The following ROBO2 variants were observed in gnomAD, a reference collection of about 807,000 sequenced individuals.
ROBO2 encodes the protein roundabout guidance receptor 2, also known as roundabout homolog 2.
A neutral mutation model predicts 160.8 loss-of-function variants in ROBO2; 53 were observed. That is an observed-to-expected ratio of 0.33 (90% CI 0.26 to 0.41). The LOEUF is 0.41. Among genes scored for constraint, ROBO2 ranks in the 10% least tolerant of loss-of-function variants. The pLI is 1.00. For synonymous variants in ROBO2, 664 were observed against 611.7 expected, an observed-to-expected ratio of 1.09 and a Z score of -1.26; for missense variants, 1,577 against 1,722.4, an observed-to-expected ratio of 0.92 and a Z score of 1.49.
At chr3:76,995,408 C>T (rs539668057) in intron 2 of ROBO2, among the ~76,000 whole-genome samples, 159 of 152,250 alleles carry the variant, frequency 1.0e-3, no homozygotes, top group African/African-American at 3.6e-3. Flanking sequence ...CTGCAATAAA[C>T]ATACGCGTGC....
At chr3:77,118,694 G>T (rs2074438869) in intron 2 of ROBO2, among the ~76,000 whole-genome samples, 1 of 152,144 alleles carries the variant, frequency 6.6e-6, no homozygotes, top group Admixed American at 6.6e-5. Flanking sequence ...TGTAAAGCAA[G>T]CATGCAATAA....
At chr3:76,909,853 T>A (rs2075857024) in intron 2 of ROBO2, among the ~76,000 whole-genome samples, 1 of 152,230 alleles carries the variant, frequency 6.6e-6, no homozygotes, top group African/African-American at 2.4e-5. Context: ...TTTCTTCTCC[T>A]TGTCATAAAA....
At chr3:76,530,589 C>G (rs902386561) in intron 2 of ROBO2, among the ~76,000 whole-genome samples, 2 of 152,148 alleles carry the variant, frequency 1.3e-5, no homozygotes, top group Non-Finnish European at 2.9e-5. Flanking sequence ...CGTCTCGTCT[C>G]AGTAACTTAG....
chr3:76,268,212 G>T (rs1196909870), intron 2 of ROBO2, among the ~76,000 whole-genome samples: 1 of 151,848 alleles, frequency 6.6e-6, no homozygotes, highest in African/African-American at 2.4e-5. Flanking sequence ...CAAGGCTGCA[G>T]TGAGCCATAA....
chr3:76,668,267 T>TAAA (rs35393443), intron 2 of ROBO2, among the ~76,000 whole-genome samples: 526 of 150,600 alleles, frequency 3.5e-3, no homozygotes, highest in Middle Eastern at 0.02. Context: ...GCCCAGCTAT[T>TAAA]AAAAAAAAAT....
chr3:77,220,407 G>A (rs72893242), intron 2 of ROBO2, among the ~76,000 whole-genome samples: 1 of 151,852 alleles, frequency 6.6e-6, no homozygotes, highest in South Asian at 2.1e-4. Flanking sequence ...CATACTAAGA[G>A]TAGGTAAAAA....
intron 2 of ROBO2, among the ~76,000 whole-genome samples, chr3:76,733,252 G>T (rs1056925245): frequency 3.9e-5 from 6 of 152,178 alleles, no homozygotes; most frequent in African/African-American, 1.2e-4. Flanking sequence ...AACAGACTGT[G>T]TATACAAAGA....
chr3:77,525,850 T>C (rs1272212162), intron 6 of ROBO2, among the ~76,000 whole-genome samples: 1 of 151,254 alleles, frequency 6.6e-6, no homozygotes, highest in African/African-American at 2.4e-5. Context: ...AAGGAAACAT[T>C]ATGTTTTAAA....
chr3:76,068,555 TCTTCTGTATCA>T (rs540841957), intron 2 of ROBO2, among the ~76,000 whole-genome samples: 49 of 152,300 alleles, frequency 3.2e-4, no homozygotes, highest in Middle Eastern at 3.4e-3. Flanking sequence ...CTTTTCCCTT[TCTTCTGTATCA>T]TCAATTCTCC....
At chr3:76,696,176 C>T (rs1353230855) in intron 2 of ROBO2, among the ~76,000 whole-genome samples, 4 of 152,134 alleles carry the variant, frequency 2.6e-5, no homozygotes, top group African/African-American at 4.8e-5. Context: ...AGTCTAGCCT[C>T]CGCAGAATTG....
intron 2 of ROBO2, among the ~76,000 whole-genome samples, chr3:76,560,933 G>GATATATATATATAT (rs10581875): frequency 1.6e-5 from 2 of 128,162 alleles, no homozygotes; most frequent in Non-Finnish European, 3.2e-5. Flanking sequence ...TAAGAAGTAA[G>GATATATATATATAT]ATATATATAT....
Position 75,992,233 on chromosome 3 carries a change from C to G in ROBO2, c.109+54631C>G, listed in dbSNP as rs576746896. Reference sequence around the variant, plus strand: ...GGCATATGAAAGGTCTTTGTGGTAGCCCTTCCCATCACAGGCCCAGAGGTT... The same window carrying G: ...GGCATATGAAAGGTCTTTGTGGTAGGCCTTCCCATCACAGGCCCAGAGGTT... On this transcript the variant is annotated intron_variant, in intron 2 of 26. Coordinates refer to the ROBO2 transcript ENST00000487694. Among the ~76,000 whole-genome samples the G allele has an allele frequency of 1.1e-4, 17 of 152,184 alleles. No individual in the cohort carries two copies. In the South Asian group the frequency reaches 3.5e-3, roughly 32 times the overall value.
chr3:76,137,885 T>C (rs1656743864), intron 2 of ROBO2, among the ~76,000 whole-genome samples: 1 of 152,000 alleles, frequency 6.6e-6, no homozygotes, highest in African/African-American at 2.4e-5. Flanking sequence ...TTTTAGGGGT[T>C]TGTGTAATCA....
At chr3:76,762,952 T>C (rs551945511) in intron 2 of ROBO2, among the ~76,000 whole-genome samples, 95 of 151,854 alleles carry the variant, frequency 6.3e-4, no homozygotes, top group African/African-American at 2.2e-3. Context: ...CTGCTTGAAA[T>C]CCTTCATGTT....
At chr3:76,009,265 G>A (rs1479980407) in intron 2 of ROBO2, among the ~76,000 whole-genome samples, 1 of 152,134 alleles carries the variant, frequency 6.6e-6, no homozygotes, top group Non-Finnish European at 1.5e-5. Context: ...ACCACGCCCG[G>A]ATAATTTTTT....
At chr3:77,280,434 A>G (rs2060170219) in intron 2 of ROBO2, among the ~76,000 whole-genome samples, 1 of 151,962 alleles carries the variant, frequency 6.6e-6, no homozygotes, top group East Asian at 1.9e-4. Flanking sequence ...GGTTTGGCCA[A>G]CCTCCTAAAA....
chr3:76,458,907 A>T (rs2077930394), intron 2 of ROBO2, among the ~76,000 whole-genome samples: 1 of 152,154 alleles, frequency 6.6e-6, no homozygotes, highest in Non-Finnish European at 1.5e-5. Context: ...CTCTCACAGC[A>T]TGTGGGAATT....
At chr3:77,356,962 A>G (rs1410029418) in intron 2 of ROBO2, among the ~76,000 whole-genome samples, 1 of 152,182 alleles carries the variant, frequency 6.6e-6, no homozygotes, top group Admixed American at 6.6e-5. Context: ...ATGAGGAAAT[A>G]TATTAAATAT....
chr3:75,930,514 T>A (rs1449075696), intron 1 of ROBO2, among the ~76,000 whole-genome samples: 2 of 152,230 alleles, frequency 1.3e-5, no homozygotes, highest in Admixed American at 1.3e-4. Flanking sequence ...CTAAGGGTTC[T>A]GTCCTAATTG....
Sources: gnomAD v4.1 joint callset for allele counts (sites outside exome capture counted in the v4.1 genomes callset) on GRCh38, gnomAD v4.1.1 for gene constraint, MANE v1.5 for transcripts, NCBI Gene and HGNC (gene_info 2026-07-23, HGNC 2026-07-21) for gene names.